The following ACACA variants were observed in gnomAD, a reference collection of about 807,000 sequenced individuals.
ACACA encodes acetyl-CoA carboxylase alpha.
A neutral mutation model predicts 296.1 loss-of-function variants in ACACA; 103 were observed. The observed-to-expected ratio is 0.35, with a 90% CI of 0.30 to 0.41. ACACA has a LOEUF of 0.41. Among genes scored for constraint, ACACA ranks in the 10% least tolerant of loss-of-function variants. The pLI is 1.00. For missense variants in ACACA, 1,554 were observed against 2,989.7 expected, an observed-to-expected ratio of 0.52 and a Z score of 11.20; for synonymous variants, 953 against 1,038.6, an observed-to-expected ratio of 0.92 and a Z score of 1.58.
At chr17:37,329,316 C>T (rs774407460) in intron 3 of ACACA, among the ~76,000 whole-genome samples, 4 of 152,166 alleles carry the variant, frequency 2.6e-5, no homozygotes, top group Non-Finnish European at 4.4e-5. Flanking sequence ...CAACCTAACT[C>T]TTACTCACTA....
At chr17:37,103,138 G>A (rs1001304723) in intron 52 of ACACA, among the ~76,000 whole-genome samples, 3 of 152,308 alleles carry the variant, frequency 2.0e-5, no homozygotes, top group East Asian at 3.9e-4. Context: ...GTTGCACACC[G>A]AGGGCCCCTC....
In ACACA at chr17:37,366,712, C is replaced by T. The variant is rs552218925; in HGVS notation, c.39-26862G>A. Among the ~76,000 whole-genome samples, 309 of 152,106 alleles carry T rather than the reference C, an allele frequency of 2.0e-3. 3 individuals are homozygous for T. In the South Asian group the frequency reaches 0.033, roughly 16 times the overall value. ...TGGAATTCCTAACCTTGTGATCCAC[C>T]CGCCTTAGCCTCCCAAAGTGCTGGG... is the stretch of plus-strand genomic sequence containing the variant. On this transcript the variant is annotated intron_variant, in intron 1 of 55. Transcript: ENST00000616317.
intron 42 of ACACA, among the ~76,000 whole-genome samples, chr17:37,160,633 G>C (rs576539777): frequency 3.3e-5 from 5 of 152,304 alleles, no homozygotes; most frequent in African/African-American, 7.2e-5. Flanking sequence ...GAGCAGAATG[G>C]AGAGAGTTGG....
intron 1 of ACACA, among the ~76,000 whole-genome samples, chr17:37,373,530 A>T (rs528898632): frequency 6.6e-6 from 1 of 152,092 alleles, no homozygotes; most frequent in Non-Finnish European, 1.5e-5. Context: ...ACAGGTGTGA[A>T]CTACCGTGCC....
At chr17:37,117,375 T>C (rs1323753193) in intron 50 of ACACA, among the ~76,000 whole-genome samples, 2 of 152,230 alleles carry the variant, frequency 1.3e-5, no homozygotes, top group Non-Finnish European at 2.9e-5. Context: ...TCAATAAATT[T>C]TTTTTATTGT....
intron 54 of ACACA, among the ~76,000 whole-genome samples, chr17:37,091,732 A>T (rs530874737): frequency 6.6e-6 from 1 of 151,900 alleles, no homozygotes; most frequent in Admixed American, 6.6e-5. Flanking sequence ...GGCATGCCCC[A>T]CCATGCCTGG....
Position 37,381,626 on chromosome 17 carries a change from CTT to C in ACACA, c.38+24634_38+24635del, listed in dbSNP as rs550853752. Among the ~76,000 whole-genome samples, 747 of 125,804 alleles carry C rather than the reference CTT, an allele frequency of 5.9e-3. 3 individuals are homozygous for C. The highest frequency in any genetic ancestry group is 0.021 in the African/African-American group (706 of 34,096). 82.5% of individuals were successfully genotyped at this position (125,804 alleles called of 152,430 possible). A position where few individuals can be genotyped will look rare whatever the true frequency, so the allele number is the denominator to read the frequency against. ...TTCCATAGTATGTCTCTTCCATAGT[CTT>C]TTTTTTTTTTTTTTTTTGAGACAGA... On this transcript the variant is annotated intron_variant, in intron 1 of 55. Coordinates refer to ENST00000616317, the MANE Select transcript of ACACA (RefSeq NM_198834.3).
chr17:37,106,964 G>A (rs1329922656), intron 52 of ACACA, among the ~76,000 whole-genome samples: 11 of 152,146 alleles, frequency 7.2e-5, no homozygotes, highest in Admixed American at 7.2e-4. Flanking sequence ...TGTCACTATT[G>A]CACTAAACTT....
At chr17:37,342,644 GTATT>G (rs1362837683) in intron 1 of ACACA, among the ~76,000 whole-genome samples, 1 of 151,540 alleles carries the variant, frequency 6.6e-6, no homozygotes, top group African/African-American at 2.4e-5. Flanking sequence ...TACAGCTAAT[GTATT>G]TAAGAGTCAG....
intron 5 of ACACA, among the ~76,000 whole-genome samples, chr17:37,281,785 G>C (rs935532867): frequency 6.6e-6 from 1 of 152,158 alleles, no homozygotes; most frequent in African/African-American, 2.4e-5. Flanking sequence ...AGAATTGCAT[G>C]AACCCAGGAG....
intron 41 of ACACA, among the ~76,000 whole-genome samples, chr17:37,164,396 T>C (rs994002049): frequency 6.6e-6 from 1 of 152,202 alleles, no homozygotes; most frequent in Non-Finnish European, 1.5e-5. Context: ...CTATTTGTGA[T>C]TCTCAGCATT....
chr17:37,174,020 A>ATATTTTTTTTTTTTTTT (rs552735515), intron 41 of ACACA, among the ~76,000 whole-genome samples: 1 of 16,796 alleles, frequency 6.0e-5, no homozygotes, highest in Non-Finnish European at 9.9e-5. Flanking sequence ...ATATATATAT[A>ATATTTTTTTTTTTTTTT]TTTTTTTTTT....
chr17:37,313,307 A>G (rs77805365), intron 3 of ACACA, among the ~76,000 whole-genome samples: 6,316 of 146,320 alleles, frequency 0.043, 348 homozygotes, highest in African/African-American at 0.13. Flanking sequence ...AGTTGAAGGG[A>G]AAAAAAAAAA....
intron 3 of ACACA, among the ~76,000 whole-genome samples, chr17:37,298,644 G>A (rs1244429533): frequency 2.0e-5 from 3 of 152,124 alleles, no homozygotes; most frequent in Non-Finnish European, 4.4e-5. Context: ...CTATGACCGC[G>A]CCACTGCACA....
intron 37 of ACACA, among the ~76,000 whole-genome samples, 195 bp downstream of exon 37, chr17:37,191,895 A>C (rs919191628): frequency 2.7e-4 from 41 of 152,280 alleles, no homozygotes; most frequent in African/African-American, 9.4e-4. Context: ...TTTGTAAAAA[A>C]AAAAAAGCCT....
chr17:37,322,276 G>A (rs1351645750), intron 3 of ACACA, among the ~76,000 whole-genome samples: 1 of 152,088 alleles, frequency 6.6e-6, no homozygotes, highest in Non-Finnish European at 1.5e-5. Flanking sequence ...GACATCTTAC[G>A]CTGGTTTTAG....
chr17:37,158,466 C>T (rs2076337742), intron 42 of ACACA, among the ~76,000 whole-genome samples: 1 of 151,882 alleles, frequency 6.6e-6, no homozygotes, highest in African/African-American at 2.4e-5. Flanking sequence ...CCCATCTCTA[C>T]AAAAACCAAA....
chr17:37,173,911 T>C (rs2076968766), intron 41 of ACACA, among the ~76,000 whole-genome samples: 1 of 139,394 alleles, frequency 7.2e-6, no homozygotes, highest in South Asian at 2.3e-4. Context: ...CCTCCTGGGC[T>C]CAAGAGATTC....
intron 1 of ACACA, among the ~76,000 whole-genome samples, chr17:37,361,798 G>A (rs1050038446): frequency 2.6e-5 from 4 of 152,264 alleles, no homozygotes; most frequent in South Asian, 2.1e-4. Context: ...TGTAAGAGGC[G>A]GAGGAGGAGA....
Sources: gnomAD v4.1 joint callset for allele counts (sites outside exome capture counted in the v4.1 genomes callset) on GRCh38, gnomAD v4.1.1 for gene constraint, MANE v1.5 for transcripts, NCBI Gene and HGNC (gene_info 2026-07-23, HGNC 2026-07-21) for gene names.